The following SLC12A4 variants were observed in gnomAD, a reference collection of about 807,000 sequenced individuals.
SLC12A4 encodes electroneutral potassium-chloride cotransporter 1.
In SLC12A4, 84 loss-of-function variants were observed where a neutral mutation model predicts 119.2. The observed-to-expected ratio is 0.70, with a 90% confidence interval of 0.59 to 0.85. SLC12A4 has a LOEUF of 0.85. Ranked by LOEUF, SLC12A4 falls within the 40% of genes least tolerant of loss-of-function variation. The pLI, the probability that SLC12A4 is intolerant of heterozygous loss-of-function variation, is 0.00. For synonymous variants in SLC12A4, 599 were observed against 604.6 expected (o/e 0.99, Z 0.14); for missense variants, 1,298 against 1,476.3 (o/e 0.88, Z 1.98).
At position 67,949,000 on chromosome 16, in the gene SLC12A4, C is replaced by T. The variant is rs550856368; in HGVS notation, c.1748+800G>A. Among the ~76,000 whole-genome samples the T allele has an allele frequency of 5.4e-4, 82 of 152,234 alleles. 2 individuals are homozygous for T. The highest frequency in any genetic ancestry group is 3.8e-4 in the Non-Finnish European group (26 of 68,004). ...CACAAGCAAGAAGGAGCGTCAGCCA[C>T]GGAGCAGGGTGGGCGAGGACCCCAG... On this transcript the variant is annotated intron_variant, in intron 13 of 23. Transcript: ENST00000316341.
Position 67,944,835 on chromosome 16 carries a change from T to G in SLC12A4, c.*5A>C, listed in dbSNP as rs927051517. ...TCGACTCCAGGCCACAAGATGACAC[T>G]GGGCTCAGGAGTAGATGGTGATGAC... On this transcript the variant is annotated 3_prime_UTR_variant, in exon 24 of 24. Coordinates refer to ENST00000316341, the MANE Select transcript of SLC12A4 (RefSeq NM_005072.5). The surrounding 1 kb of genome is among the most constrained non-coding windows in gnomAD (Gnocchi z 6.6). 14 of 1,612,688 alleles carry G rather than the reference T, an allele frequency of 8.7e-6. No homozygotes were observed. The highest frequency in any genetic ancestry group is 1.2e-5 in the Non-Finnish European group (14 of 1,179,940).
intron 1 of SLC12A4, chr16:67,963,802 GCGCAGGCGCC>G (rs2030711727): frequency 7.7e-7 from 1 of 1,305,858 alleles, no homozygotes; most frequent in Non-Finnish European, 1.0e-6. Context: ...CCAGGTGAGG[GCGCAGGCGCC>G]CTAGCACAAG....
At chr16:67,956,839 T>C (rs1394978350) in intron 5 of SLC12A4, among the ~76,000 whole-genome samples, 2 of 151,550 alleles carry the variant, frequency 1.3e-5, no homozygotes, top group Non-Finnish European at 2.9e-5. Flanking sequence ...CACACATATA[T>C]ATATATATAT....
At position 67,950,281 on chromosome 16, in the gene SLC12A4, G is replaced by A. The variant is rs1429515039; in HGVS notation, c.1629+38C>T. On this transcript the variant is annotated intron_variant, in intron 12 of 23. Transcript: ENST00000316341. This position sits in a 1 kb window ranked among gnomAD's most constrained non-coding sequence, Gnocchi z 4.3. Reference sequence around the variant, plus strand: ...CTCTCCCCAGCCGGGCGAGGGCCTGGGAGCAGCCAGGCCATGGGGGAGTGC... The same window carrying A: ...CTCTCCCCAGCCGGGCGAGGGCCTGAGAGCAGCCAGGCCATGGGGGAGTGC... 2 of 1,601,792 alleles carry A rather than the reference G, an allele frequency of 1.2e-6. No individual in the cohort carries two copies. Among genetic ancestry groups the A allele is most frequent in the Non-Finnish European group, 1.7e-6 (2 of 1,172,962 alleles).
chr16:67,944,903 C>T lies in SLC12A4; in HGVS notation c.3195G>A (p.Glu1065=). 1 of 1,613,548 alleles carries T rather than the reference C, an allele frequency of 6.2e-7. No individual in the cohort carries two copies. The highest frequency in any genetic ancestry group is 8.5e-7 in the Non-Finnish European group (1 of 1,180,022). ...GCACCAACAGCACCCGCTCAAGGCCCTCGGTCAGCACCTCGAGGAACTCCA... is the reference window on the plus strand; with the variant it reads ...GCACCAACAGCACCCGCTCAAGGCCTTCGGTCAGCACCTCGAGGAACTCCA... The part of the protein sequence containing the change: ...NYMEFLEVLT[E]GLERVLLVRG... The change falls in exon 24 of 24, where the codon GAG becomes GAA. Residue 1065 remains glutamate (E), a synonymous_variant. Coordinates refer to ENST00000316341, the MANE Select transcript of SLC12A4 (RefSeq NM_005072.5). The surrounding 1 kb of genome is among the most constrained non-coding windows in gnomAD (Gnocchi z 6.6).
intron 1 of SLC12A4, among the ~76,000 whole-genome samples, chr16:67,966,245 T>C (rs1390506295): frequency 6.6e-6 from 1 of 151,938 alleles, no homozygotes; most frequent in Admixed American, 6.6e-5. Context: ...CTCCTCGGAG[T>C]TCCCCCAAAG....
rs755485149 is a variant in SLC12A4, at chr16:67,968,523, C to G, written c.31G>C (p.Gly11Arg). 5.1e-6 allele frequency: 8 copies of G among 1,581,074 alleles called. No homozygotes were observed. The highest frequency in any genetic ancestry group is 4.2e-5 in the African/African-American group (3 of 71,828). ...TTGTCATAGTCGCCGCGCCTCGGCC[C>G]GTCCACTGGCACCACGGTGAAGTGA... MPHFTVVPVD[G>R]PRRGDYDNLE... The change falls in exon 1 of 24, where the codon GGG becomes CGG. Residue 11 changes from glycine (G) to arginine (R), a missense_variant. Gly to Arg is a moderately radical substitution (Grantham distance 125). Coordinates refer to ENST00000316341, the MANE Select transcript of SLC12A4 (RefSeq NM_005072.5).
At chr16:67,959,720 C>T (rs2030461369) in intron 3 of SLC12A4, among the ~76,000 whole-genome samples, 1 of 152,186 alleles carries the variant, frequency 6.6e-6, no homozygotes, top group Non-Finnish European at 1.5e-5. Context: ...AAGAAAAGGA[C>T]AGTGTGGGAA....
At chr16:67,946,382 C>G in intron 18 of SLC12A4, 42 bp from the exon 19 acceptor site, 4 of 1,603,428 alleles carry the variant, frequency 2.5e-6, no homozygotes. Flanking sequence ...CTGTGGCCCT[C>G]CGCCCACTGC....
intron 2 of SLC12A4, 24 bp from the exon 3 acceptor site, chr16:67,961,730 G>T: frequency 6.2e-7 from 1 of 1,613,608 alleles, no homozygotes; most frequent in Non-Finnish European, 8.5e-7. Context: ...CACAGGGCAA[G>T]ATGGCATTGG....
chr16:67,952,788 CA>C (rs145047819), intron 6 of SLC12A4, among the ~76,000 whole-genome samples: 1 of 138,506 alleles, frequency 7.2e-6, no homozygotes, highest in Non-Finnish European at 1.5e-5. Flanking sequence ...GACTCCGTCT[CA>C]AAAAAAAATA....
rs1045112668 is a variant in SLC12A4 at position 67,963,669 on chromosome 16, G to T, written c.116-110C>A. ...TTCTGTGGAGCACTTTGGAGCTGCAGTGTCACCAGGTTGCAACTCAGTTTT... is the reference window on the plus strand; with the variant it reads ...TTCTGTGGAGCACTTTGGAGCTGCATTGTCACCAGGTTGCAACTCAGTTTT... On this transcript the variant is annotated intron_variant, in intron 1 of 23. Coordinates refer to ENST00000316341, the MANE Select transcript of SLC12A4 (RefSeq NM_005072.5). The T allele has an allele frequency of 1.4e-5, 12 of 879,598 alleles. No individual in the cohort carries two copies. The African/African-American group carries it at 1.9e-4, about 14-fold the overall frequency. 54.5% of individuals were successfully genotyped at this position (879,598 alleles called of 1,614,324 possible). A position where few individuals can be genotyped will look rare whatever the true frequency, so the allele number is the denominator to read the frequency against.
chr16:67,957,263 A>G (rs1241157018), intron 5 of SLC12A4, among the ~76,000 whole-genome samples: 1 of 148,260 alleles, frequency 6.7e-6, no homozygotes, highest in African/African-American at 2.5e-5. Flanking sequence ...TCTGCCTGCC[A>G]GGTTCACGCC....
At chr16:67,959,197 CAGG>C (rs1303924794) in intron 3 of SLC12A4, among the ~76,000 whole-genome samples, 1 of 152,166 alleles carries the variant, frequency 6.6e-6, no homozygotes, top group East Asian at 1.9e-4. Flanking sequence ...AGGGGCCAGC[CAGG>C]AGGCCAGGGC....
chr16:67,966,247 C>A (rs141707144), intron 1 of SLC12A4, among the ~76,000 whole-genome samples: 99 of 152,344 alleles, frequency 6.5e-4, no homozygotes, highest in African/African-American at 2.1e-3. Flanking sequence ...CCTCGGAGTT[C>A]CCCCAAAGCT....
Position 67,950,318 on chromosome 16 carries a change from C to T in SLC12A4, c.1629+1G>A, listed in dbSNP as rs151095664. 3 of 1,613,244 alleles carry T rather than the reference C, an allele frequency of 1.9e-6. No individual in the cohort carries two copies. The South Asian group carries it at 3.3e-5, about 18-fold the overall frequency. ...CCATGGGGGAGTGCAGAGGGGCTCA[C>T]CCGGAGGAAGGGGATGATGTTGTCC... On this transcript the variant is annotated splice_donor_variant, in intron 12 of 23. Transcript: ENST00000316341. LOFTEE classifies it high-confidence loss of function. The surrounding 1 kb of genome is among the most constrained non-coding windows in gnomAD (Gnocchi z 4.3).
chr16:67,958,228 T>C (rs983362065), intron 3 of SLC12A4, among the ~76,000 whole-genome samples, 184 bp from the exon 4 acceptor site: 9 of 152,154 alleles, frequency 5.9e-5, no homozygotes, highest in African/African-American at 2.2e-4. Flanking sequence ...TGGGAAGGTG[T>C]AAAACCTGAT....
At position 67,946,201 on chromosome 16, in the gene SLC12A4, C is replaced by A. The variant is rs761019274; in HGVS notation, c.2577G>T (p.Met859Ile). ...WWIVHDGGML[M>I]LLPFLLRQHK... ...GCTGGCGCAGCAGGAAGGGCAGAAG[C>A]ATGAGCATGCCACCATCGTGCACGA... Residue 859 changes from methionine (M) to isoleucine (I), a missense_variant, in exon 19 of 24, where the codon ATG becomes ATT. Met to Ile is a conservative substitution (Grantham distance 10). Transcript: ENST00000316341. 1 of 1,613,942 alleles carries A rather than the reference C, an allele frequency of 6.2e-7. No homozygotes were observed. The highest frequency in any genetic ancestry group is 1.1e-5 in the South Asian group (1 of 91,092).
intron 1 of SLC12A4, chr16:67,963,845 G>T (rs956866892): frequency 4.0e-6 from 6 of 1,509,844 alleles, no homozygotes; most frequent in African/African-American, 2.8e-5. Context: ...CTGAGGGACG[G>T]GGCCTGCAGA....
Sources: gnomAD v4.1 joint callset for allele counts (sites outside exome capture counted in the v4.1 genomes callset) on GRCh38, gnomAD v4.1.1 for gene constraint, Gnocchi (gnomAD v3.1) non-coding constraint, MANE v1.5 for transcripts, NCBI Gene and HGNC (gene_info 2026-07-23, HGNC 2026-07-21) for gene names.